BRSK2: variants seen among roughly 807,000 people sequenced by gnomAD.
BRSK2 encodes the protein serine/threonine-protein kinase BRSK2.
A neutral mutation model predicts 83.3 loss-of-function variants in BRSK2; 19 were observed. That is an observed-to-expected ratio of 0.23 (90% CI 0.16 to 0.33). The LOEUF (loss-of-function observed/expected upper bound fraction) is 0.33, where lower values mean the gene tolerates loss of function less well. BRSK2 is among the 10% of genes least tolerant of loss of function. The probability of loss-of-function intolerance (pLI) is 1.00; values close to 1 mark genes in which losing one functional copy is unlikely to be tolerated. For synonymous variants in BRSK2, 519 were observed against 435.4 expected, an observed-to-expected ratio of 1.19 and a Z score of -2.39; for missense variants, 798 against 1,042.3, an observed-to-expected ratio of 0.77 and a Z score of 3.23.
At chr11:1,404,794 G>T (rs993053349) in intron 1 of BRSK2, among the ~76,000 whole-genome samples, 5 of 152,200 alleles carry the variant, frequency 3.3e-5, no homozygotes, top group Admixed American at 6.5e-5. Context: ...TATTCTTACC[G>T]CGCCCTGGAG....
chr11:1,451,068 G>A (rs548519439), intron 14 of BRSK2, among the ~76,000 whole-genome samples: 72 of 152,352 alleles, frequency 4.7e-4, no homozygotes, highest in Admixed American at 6.5e-4. Context: ...GCTGGCCACC[G>A]AGGGGGCACT....
At chr11:1,400,623 C>T (rs1450403160) in intron 1 of BRSK2, among the ~76,000 whole-genome samples, 2 of 152,144 alleles carry the variant, frequency 1.3e-5, no homozygotes, top group Non-Finnish European at 2.9e-5. Context: ...CATGCTGGAA[C>T]GTTCACTGTG....
In BRSK2 at chr11:1,456,474, G is replaced by A; in HGVS notation, c.1795G>A (p.Gly599Arg). ...GGTTGATATCACCTACACGGAGGGTGGGGAGGCGCAGAAGGAGAACGGCAT... is the reference window on the plus strand; with the variant it reads ...GGTTGATATCACCTACACGGAGGGTAGGGAGGCGCAGAAGGAGAACGGCAT... The part of the protein sequence containing the change: ...FQVDITYTEG[G>R]EAQKENGIYS... The change falls in exon 17 of 20, where the codon GGG (glycine) becomes AGG (arginine). Residue 599 changes from glycine to arginine, a missense_variant. Gly to Arg is a moderately radical substitution (Grantham distance 125). Transcript: ENST00000528841. The A allele has an allele frequency of 1.3e-6, 2 of 1,577,522 alleles. No homozygotes were observed. The highest frequency in any genetic ancestry group is 8.6e-7 in the Non-Finnish European group (1 of 1,160,342).
At chr11:1,435,837 G>A (rs1039702012) in intron 1 of BRSK2, among the ~76,000 whole-genome samples, 1 of 151,770 alleles carries the variant, frequency 6.6e-6, no homozygotes, top group Non-Finnish European at 1.5e-5. Context: ...GTGGAGGGAA[G>A]ACACAGCTTT....
chr11:1,399,622 G>C (rs892630811), intron 1 of BRSK2, among the ~76,000 whole-genome samples: 1 of 152,188 alleles, frequency 6.6e-6, no homozygotes, highest in African/African-American at 2.4e-5. Flanking sequence ...GTCCCCCCAG[G>C]GCTCTGGGCT....
chr11:1,433,630 A>C (rs1484776633), intron 1 of BRSK2, among the ~76,000 whole-genome samples: 1 of 152,148 alleles, frequency 6.6e-6, no homozygotes, highest in Non-Finnish European at 1.5e-5. Flanking sequence ...CTGCCCCGGG[A>C]TGCAGGCCAG....
intron 1 of BRSK2, among the ~76,000 whole-genome samples, chr11:1,394,722 G>GT (rs1845954269): frequency 8.3e-6 from 1 of 120,834 alleles, no homozygotes. Flanking sequence ...CTGGAGATGG[G>GT]CCATGGAGAT....
chr11:1,447,882 C>T (rs200223751), intron 12 of BRSK2: 97 of 1,586,312 alleles, frequency 6.1e-5, no homozygotes, highest in South Asian at 1.8e-4. Context: ...CCCGACCACC[C>T]GTCCCCGCAC....
chr11:1,436,157 G>A (rs1382902681), intron 2 of BRSK2, 23 bp downstream of exon 2: 2 of 847,816 alleles, frequency 2.4e-6, no homozygotes, highest in East Asian at 3.3e-5. Flanking sequence ...GGGGAGGGAG[G>A]CGGGGCCGGC....
At position 1,454,181 on chromosome 11, in the gene BRSK2, T is replaced by TCACCTGTGGGGGGCC; in HGVS notation, c.1545-295_1545-294insGGGGCCCACCTGTGG. On this transcript the variant is annotated intron_variant, in intron 15 of 19. Transcript: ENST00000528841. This position sits in a 1 kb window ranked among gnomAD's most constrained non-coding sequence, Gnocchi z 5.2. ...GAGGGGGGGCTCACCTGTGGGGGGC[T>TCACCTGTGGGGGGCC]CACCTGTGGAGGGGCATCCCCAGAC... 1 of 269,616 alleles carries TCACCTGTGGGGGGCC rather than the reference T, an allele frequency of 3.7e-6. No homozygotes were observed. Among genetic ancestry groups the TCACCTGTGGGGGGCC allele is most frequent in the South Asian group, 4.5e-5 (1 of 22,368 alleles). 16.7% of individuals were successfully genotyped at this position (269,616 alleles called of 1,614,324 possible).
At position 1,412,506 on chromosome 11, in the gene BRSK2, T is replaced by G. The variant is rs1005251869; in HGVS notation, c.91+22131T>G. 3.6e-5 allele frequency among the ~76,000 whole-genome samples: 2 copies of G among 55,724 alleles called. 1 individual carries two copies. The highest frequency in any genetic ancestry group is 3.2e-4 in the Admixed American group (2 of 6,308). 36.6% of individuals were successfully genotyped at this position (55,724 alleles called of 152,430 possible). On this transcript the variant is annotated intron_variant, in intron 1 of 19. Coordinates refer to ENST00000528841, the MANE Select transcript of BRSK2 (RefSeq NM_001256627.2). Reference sequence around the variant, plus strand: ...CAGCTGTGCTGCCCCGTCCTGTGATTGGTGAACTCTGAGCTGTGCTGCTCT... The same window carrying G: ...CAGCTGTGCTGCCCCGTCCTGTGATGGGTGAACTCTGAGCTGTGCTGCTCT...
intron 3 of BRSK2, among the ~76,000 whole-genome samples, chr11:1,439,630 C>T (rs770057595): frequency 6.6e-5 from 10 of 152,180 alleles, no homozygotes; most frequent in Non-Finnish European, 8.8e-5. Flanking sequence ...CGGCTTCTCC[C>T]GAGGTCTGGC....
chr11:1,424,393 C>A (rs1848967707), intron 1 of BRSK2, among the ~76,000 whole-genome samples: 1 of 152,182 alleles, frequency 6.6e-6, no homozygotes, highest in South Asian at 2.1e-4. Context: ...CAGGTGGGGA[C>A]AAGGTGTCCT....
intron 19 of BRSK2, 23 bp from the exon 20 acceptor site, chr11:1,460,477 T>TC: frequency 7.9e-7 from 1 of 1,259,288 alleles, no homozygotes; most frequent in Non-Finnish European, 1.0e-6. Flanking sequence ...TTTTTTTTTT[T>TC]TGTCTCTGTT....
intron 3 of BRSK2, among the ~76,000 whole-genome samples, chr11:1,439,429 C>T (rs1850839880): frequency 6.6e-6 from 1 of 151,884 alleles, no homozygotes; most frequent in South Asian, 2.1e-4. Context: ...CGGGGGTGGT[C>T]CTGGCCCTGA....
intron 12 of BRSK2, among the ~76,000 whole-genome samples, chr11:1,448,329 G>A (rs990429301): frequency 2.6e-5 from 4 of 152,196 alleles, no homozygotes; most frequent in Admixed American, 6.5e-5. Flanking sequence ...GGGTGGCGCC[G>A]CCCCCAAGGC....
intron 1 of BRSK2, chr11:1,411,670 G>A (rs998195828): frequency 5.9e-6 from 9 of 1,532,980 alleles, no homozygotes; most frequent in East Asian, 2.4e-5. Context: ...AGGGCCCCTC[G>A]AGGGAGGAGT....
At chr11:1,439,096 C>T (rs529709709) in intron 3 of BRSK2, among the ~76,000 whole-genome samples, 42 of 152,274 alleles carry the variant, frequency 2.8e-4, no homozygotes, top group African/African-American at 8.7e-4. Flanking sequence ...GGTCCCAGGG[C>T]GGCGGCGTGA....
intron 12 of BRSK2, chr11:1,447,790 T>G (rs1300724851): frequency 6.3e-7 from 1 of 1,596,278 alleles, no homozygotes; most frequent in Admixed American, 1.7e-5. Context: ...CGCTCTGTTC[T>G]GCTGTAGTAA....
Sources: allele counts gnomAD v4.1 joint callset (sites outside exome capture counted in the v4.1 genomes callset), GRCh38; gene constraint gnomAD v4.1.1; non-coding constraint Gnocchi (gnomAD v3.1); transcripts MANE v1.5; gene names NCBI Gene and HGNC (gene_info 2026-07-23, HGNC 2026-07-21).